Variants in PPIB observed in about 807,000 individuals in gnomAD.
PPIB encodes the protein peptidylprolyl isomerase B.
Under a neutral mutation model 20.1 loss-of-function variants are expected in PPIB, and 15 were observed. The ratio of observed to expected loss-of-function variants is 0.75; its 90% CI spans 0.50 to 1.15. PPIB has a LOEUF of 1.15. PPIB is among the 50% of genes most tolerant of loss of function. The pLI is 0.00. For synonymous variants in PPIB, 129 were observed against 111.0 expected (o/e 1.16, Z -1.02); for missense variants, 278 against 283.0 (o/e 0.98, Z 0.13).
At position 64,161,730 on chromosome 15, in the gene PPIB, A is replaced by G. The variant is rs2140184074; in HGVS notation, c.249+311T>C. ...ACAAGAGTGAAACTCCGTCTCAAAA[A>G]AAAAAAAAAATTTGCGGGGGTAGAG... On this transcript the variant is annotated intron_variant, in intron 2 of 4. Coordinates refer to ENST00000300026, the MANE Select transcript of PPIB (RefSeq NM_000942.5). This position sits in a 1 kb window ranked among gnomAD's most constrained non-coding sequence, Gnocchi z 4.2. Among the ~76,000 whole-genome samples the G allele has an allele frequency of 6.6e-6, 1 of 152,172 alleles. No homozygotes were observed. Among genetic ancestry groups the G allele is most frequent in the East Asian group, 1.9e-4 (1 of 5,166 alleles).
rs1252542127 is a variant in PPIB at position 64,158,122 on chromosome 15, C to A, written c.344-1213G>T. 6.6e-6 allele frequency among the ~76,000 whole-genome samples: 1 copy of A among 152,210 alleles called. No homozygotes were observed. The highest frequency in any genetic ancestry group is 1.5e-5 in the Non-Finnish European group (1 of 68,026). On this transcript the variant is annotated intron_variant, in intron 3 of 4. Transcript: ENST00000300026. This position sits in a 1 kb window ranked among gnomAD's most constrained non-coding sequence, Gnocchi z 4.7. ...TCAAATGGACATTTCTATTTAAACT[C>A]AACATACCTTGTCATCTTTCTCTCC... is the stretch of plus-strand genomic sequence containing the variant.
rs28720179 is a variant in PPIB at position 64,162,311 on chromosome 15, G to A, written c.136-157C>T. Among the ~76,000 whole-genome samples the A allele has an allele frequency of 3.0e-3, 455 of 152,304 alleles. 1 individual carries two copies. The highest frequency in any genetic ancestry group is 0.011 in the African/African-American group (438 of 41,562). On this transcript the variant is annotated intron_variant, in intron 1 of 4. Transcript: ENST00000300026. ...ATTTTGGTGACGGTAAAAATCCTAT[G>A]AGAATCTAATGAAAGCTCCAGACCC...
At position 64,157,092 on chromosome 15, in the gene PPIB, G is replaced by A. The variant is rs1488080842; in HGVS notation, c.344-183C>T. The A allele has an allele frequency of 1.6e-6, 1 of 630,984 alleles. No individual in the cohort carries two copies. Among genetic ancestry groups the A allele is most frequent in the Non-Finnish European group, 2.7e-6 (1 of 364,118 alleles). 39.1% of individuals were successfully genotyped at this position (630,984 alleles called of 1,614,324 possible). A position where few individuals can be genotyped will look rare whatever the true frequency, so the allele number is the denominator to read the frequency against. On this transcript the variant is annotated intron_variant, in intron 3 of 4. Transcript: ENST00000300026. This position sits in a 1 kb window ranked among gnomAD's most constrained non-coding sequence, Gnocchi z 4.2. Reference sequence around the variant, plus strand: ...CTCAGAGCCAAGCCATGCTGACTGAGGCCAAGTGGGGCATCAGGCCAGGCT... The same window carrying A: ...CTCAGAGCCAAGCCATGCTGACTGAAGCCAAGTGGGGCATCAGGCCAGGCT...
intron 1 of PPIB, 107 bp from the exon 2 acceptor site, chr15:64,162,261 T>G (rs750534602): frequency 2.4e-6 from 2 of 834,026 alleles, no homozygotes; most frequent in Admixed American, 1.7e-5. Context: ...AGAGCCATAT[T>G]TTTAGAGAAG....
At position 64,156,396 on chromosome 15, in the gene PPIB, G is replaced by T; in HGVS notation, c.529-251C>A. The stretch of plus-strand genomic sequence containing the variant: ...GGCCAAGGGTGAGGAGGAGGAAGAG[G>T]GTGACCAGGGCATGTGGCTTCTCAG... On this transcript the variant is annotated intron_variant, in intron 4 of 4. Coordinates refer to ENST00000300026, the MANE Select transcript of PPIB (RefSeq NM_000942.5). This position sits in a 1 kb window ranked among gnomAD's most constrained non-coding sequence, Gnocchi z 6.4. 1 of 633,450 alleles carries T rather than the reference G, an allele frequency of 1.6e-6. No homozygotes were observed. The highest frequency in any genetic ancestry group is 1.8e-5 in the South Asian group (1 of 54,244). The allele number at this position is 633,450 out of a possible 1,614,324, so 39.2% of individuals were successfully genotyped here.
At position 64,162,899 on chromosome 15, in the gene PPIB, G is replaced by A. The variant is rs1300633503; in HGVS notation, c.88C>T (p.Pro30Ser). The A allele has an allele frequency of 5.6e-6, 9 of 1,613,244 alleles. No individual in the cohort carries two copies. Among genetic ancestry groups the A allele is most frequent in the Non-Finnish European group, 7.6e-6 (9 of 1,179,780 alleles). The change falls in exon 1 of 5, where the codon CCT becomes TCT. Residue 30 changes from proline (P) to serine (S), a missense_variant. Transcript: ENST00000300026. ...TTCTTCTTCTCATCGGCCGCAGAAG[G>A]TCCCGGCAGCAGCAGGAAGAAGACG... is the stretch of plus-strand genomic sequence containing the variant. The part of the protein sequence containing the change: ...GSVFFLLLPG[P>S]SAADEKKKGP...
Position 64,156,903 on chromosome 15 carries a change from C to T in PPIB, c.350G>A (p.Ser117Asn). Residue 117 changes from serine to asparagine, a missense_variant, in exon 4 of 5, where the codon AGC (serine) becomes AAC (asparagine). Ser to Asn is a conservative substitution (Grantham distance 46). Coordinates refer to ENST00000300026, the MANE Select transcript of PPIB (RefSeq NM_000942.5). This position sits in a 1 kb window ranked among gnomAD's most constrained non-coding sequence, Gnocchi z 6.4. ...ATCGGGGAAGCGCTCACCGTAGATGCTCTTTCCTGGGAAAAAAGACAGAGC... is the reference window on the plus strand; with the variant it reads ...ATCGGGGAAGCGCTCACCGTAGATGTTCTTTCCTGGGAAAAAAGACAGAGC... ...FTRGDGTGGK[S>N]IYGERFPDEN... The T allele has an allele frequency of 6.2e-7, 1 of 1,614,100 alleles. No homozygotes were observed. Among genetic ancestry groups the T allele is most frequent in the Non-Finnish European group, 8.5e-7 (1 of 1,179,982 alleles).
Position 64,162,871 on chromosome 15 carries a change from C to T in PPIB, c.116G>A (p.Gly39Glu). The T allele has an allele frequency of 6.8e-6, 11 of 1,611,952 alleles. No individual in the cohort carries two copies. The highest frequency in any genetic ancestry group is 1.3e-5 in the African/African-American group (1 of 75,034). Residue 39 changes from glycine to glutamate, a missense_variant, in exon 1 of 5, where the codon GGG (glycine) becomes GAG (glutamate). Gly to Glu is a moderately conservative substitution (Grantham distance 98, BLOSUM62 -2). Coordinates refer to ENST00000300026, the MANE Select transcript of PPIB (RefSeq NM_000942.5). ...GPSAADEKKK[G>E]PKVTVKVYFD... is the part of the protein sequence containing the mutation. ...CCGGACCTTGACGGTGACTTTGGGC[C>T]CCTTCTTCTTCTCATCGGCCGCAGA...
chr15:64,158,815 C>T lies in PPIB; in HGVS notation c.343+1289G>A, dbSNP rs1283506523. On this transcript the variant is annotated intron_variant, in intron 3 of 4. Coordinates refer to ENST00000300026, the MANE Select transcript of PPIB (RefSeq NM_000942.5). The surrounding 1 kb of genome is among the most constrained non-coding windows in gnomAD (Gnocchi z 4.7). ...CCCCACTGAAATCTTTCCTCACATC[C>T]GCAAGGTCATTCCCCCGTTCCCTGG... Among the ~76,000 whole-genome samples the T allele has an allele frequency of 7.9e-5, 12 of 152,222 alleles. No individual in the cohort carries two copies. The highest frequency in any genetic ancestry group is 7.2e-4 in the Admixed American group (11 of 15,286).
chr15:64,161,944 C>T lies in PPIB; in HGVS notation c.249+97G>A, dbSNP rs1412728334. The T allele has an allele frequency of 6.8e-6, 6 of 886,116 alleles. No individual in the cohort carries two copies. The highest frequency in any genetic ancestry group is 4.9e-5 in the African/African-American group (3 of 60,960). 54.9% of individuals were successfully genotyped at this position (886,116 alleles called of 1,614,324 possible). A position where few individuals can be genotyped will look rare whatever the true frequency, so the allele number is the denominator to read the frequency against. On this transcript the variant is annotated intron_variant, in intron 2 of 4. Transcript: ENST00000300026. The surrounding 1 kb of genome is among the most constrained non-coding windows in gnomAD (Gnocchi z 4.2). ...GGCAGTCGGTGCTCAGTGAGGTCCA[C>T]GCTACAGATCGGCTGAACTCTGCAG... is the stretch of plus-strand genomic sequence containing the variant.
In PPIB at chr15:64,162,050, A is replaced by T. The variant is rs772980857; in HGVS notation, c.240T>A (p.Ala80=). Residue 80 remains alanine (A), a synonymous_variant, in exon 2 of 5, where the codon GCT becomes GCA. Transcript: ENST00000300026. The part of the protein sequence containing the change: ...PKTVDNFVAL[A]TGEKGFGYKN... ...TGCTCCAGCCACTTACCTCTCCTGT[A>T]GCTAAGGCCACAAAATTATCCACTG... 97 of 1,611,392 alleles carry T rather than the reference A, an allele frequency of 6.0e-5. No homozygotes were observed. Among genetic ancestry groups the T allele is most frequent in the Non-Finnish European group, 8.0e-5 (94 of 1,177,608 alleles).
At position 64,159,811 on chromosome 15, in the gene PPIB, C is replaced by T. The variant is rs1262210202; in HGVS notation, c.343+293G>A. 2 of 520,194 alleles carry T rather than the reference C, an allele frequency of 3.8e-6. No individual in the cohort carries two copies. Among genetic ancestry groups the T allele is most frequent in the Admixed American group, 6.4e-5 (2 of 31,460 alleles). 32.2% of individuals were successfully genotyped at this position (520,194 alleles called of 1,614,324 possible). A position where few individuals can be genotyped will look rare whatever the true frequency, so the allele number is the denominator to read the frequency against. On this transcript the variant is annotated intron_variant, in intron 3 of 4. Coordinates refer to ENST00000300026, the MANE Select transcript of PPIB (RefSeq NM_000942.5). The surrounding 1 kb of genome is among the most constrained non-coding windows in gnomAD (Gnocchi z 5.1). The stretch of plus-strand genomic sequence containing the variant: ...TCCACACGCCTCTCTCCCCAATCCC[C>T]ATTCTGAAGAGGTATCAGGAAAGGT...
intron 1 of PPIB, 141 bp downstream of exon 1, chr15:64,162,711 T>C: frequency 7.1e-7 from 1 of 1,400,502 alleles, no homozygotes. Flanking sequence ...TCCGGGTCGT[T>C]CCCTGGACTG....
chr15:64,157,633 T>G lies in PPIB; in HGVS notation c.344-724A>C, dbSNP rs898754064. On this transcript the variant is annotated intron_variant, in intron 3 of 4. Coordinates refer to ENST00000300026, the MANE Select transcript of PPIB (RefSeq NM_000942.5). The surrounding 1 kb of genome is among the most constrained non-coding windows in gnomAD (Gnocchi z 4.2). ...CCTATCACCCCTTGGAGACTGACAC[T>G]GTGCATGAGGCCCCAAGAAACTCAG... Among the ~76,000 whole-genome samples the G allele has an allele frequency of 6.6e-6, 1 of 152,238 alleles. No homozygotes were observed. Among genetic ancestry groups the G allele is most frequent in the Non-Finnish European group, 1.5e-5 (1 of 68,032 alleles).
In PPIB at chr15:64,160,198, C is replaced by T. The variant is rs1219861826; in HGVS notation, c.250-1G>A. ...TGCTGTTTTTGTAGCCAAATCCTTT[C>T]TAGAAAAAGGGAAGAGAAGGTAAGG... On this transcript the variant is annotated splice_acceptor_variant, in intron 2 of 4. Coordinates refer to ENST00000300026, the MANE Select transcript of PPIB (RefSeq NM_000942.5). LOFTEE classifies it high-confidence loss of function. This position sits in a 1 kb window ranked among gnomAD's most constrained non-coding sequence, Gnocchi z 4.8. 2 of 1,609,626 alleles carry T rather than the reference C, an allele frequency of 1.2e-6. No individual in the cohort carries two copies. Among genetic ancestry groups the T allele is most frequent in the Non-Finnish European group, 1.7e-6 (2 of 1,175,912 alleles).
Position 64,156,557 on chromosome 15 carries a change from C to T in PPIB, c.528+168G>A. 4 of 880,656 alleles carry T rather than the reference C, an allele frequency of 4.5e-6. No individual in the cohort carries two copies. Among genetic ancestry groups the T allele is most frequent in the South Asian group, 2.8e-5 (2 of 70,210 alleles). The allele number at this position is 880,656 out of a possible 1,614,324, so 54.6% of individuals were successfully genotyped here. ...CTGAGGGGGCTGGAAGAATTTAGAA[C>T]CTTGGAGGCATGGAGGTACAGGGTT... On this transcript the variant is annotated intron_variant, in intron 4 of 4. Coordinates refer to ENST00000300026, the MANE Select transcript of PPIB (RefSeq NM_000942.5). The surrounding 1 kb of genome is among the most constrained non-coding windows in gnomAD (Gnocchi z 6.4).
chr15:64,155,882 G>T lies in PPIB; in HGVS notation c.*141C>A. 1 of 1,273,706 alleles carries T rather than the reference G, an allele frequency of 7.9e-7. No individual in the cohort carries two copies. Among genetic ancestry groups the T allele is most frequent in the Non-Finnish European group, 1.1e-6 (1 of 886,432 alleles). 78.9% of individuals were successfully genotyped at this position (1,273,706 alleles called of 1,614,324 possible). On this transcript the variant is annotated 3_prime_UTR_variant, in exon 5 of 5. Coordinates refer to ENST00000300026, the MANE Select transcript of PPIB (RefSeq NM_000942.5). The stretch of plus-strand genomic sequence containing the variant: ...GTGTTGGTAGGAGTTTGTTACAAAA[G>T]TGAGTCCATGGGCCTGTGGAATGTG...
In PPIB at chr15:64,156,431, G is replaced by T. The variant is rs557842653; in HGVS notation, c.529-286C>A. On this transcript the variant is annotated intron_variant, in intron 4 of 4. Coordinates refer to ENST00000300026, the MANE Select transcript of PPIB (RefSeq NM_000942.5). This position sits in a 1 kb window ranked among gnomAD's most constrained non-coding sequence, Gnocchi z 6.4. ...GCATGTGGCTTCTCAGGGACATTGC[G>T]TTCAGCTGCACTCTGTATACCTCAG... 1.5e-5 allele frequency: 9 copies of T among 616,796 alleles called. No individual in the cohort carries two copies. In the East Asian group the frequency reaches 2.0e-4, roughly 13 times the overall value. The allele number at this position is 616,796 out of a possible 1,614,324, so 38.2% of individuals were successfully genotyped here.
Position 64,159,039 on chromosome 15 carries a change from AC to A in PPIB, c.343+1064del, listed in dbSNP as rs2081550588. On this transcript the variant is annotated intron_variant, in intron 3 of 4. Coordinates refer to ENST00000300026, the MANE Select transcript of PPIB (RefSeq NM_000942.5). The surrounding 1 kb of genome is among the most constrained non-coding windows in gnomAD (Gnocchi z 5.1). ...AGGTCACAAAACAAGAAGGTGGCAG[AC>A]ACTGGATCGAGCCCAACTGCGTCTG... 6.6e-6 allele frequency among the ~76,000 whole-genome samples: 1 copy of A among 152,222 alleles called. No homozygotes were observed.
Sources: gnomAD v4.1 joint callset for allele counts (sites outside exome capture counted in the v4.1 genomes callset) on GRCh38, gnomAD v4.1.1 for gene constraint, Gnocchi (gnomAD v3.1) non-coding constraint, MANE v1.5 for transcripts, NCBI Gene and HGNC (gene_info 2026-07-23, HGNC 2026-07-21) for gene names.